The following WDFY3 variants were observed in gnomAD, a reference collection of about 807,000 sequenced individuals.
WDFY3 encodes WD repeat and FYVE domain containing 3, also known as WD repeat and FYVE domain-containing protein 3.
Under a neutral mutation model 409.6 loss-of-function variants are expected in WDFY3, and 66 were observed. That is an observed-to-expected ratio of 0.16 (90% CI 0.13 to 0.20). The LOEUF is 0.20. Among genes scored for constraint, WDFY3 ranks in the 10% least tolerant of loss-of-function variants. The pLI, the probability that WDFY3 is intolerant of heterozygous loss-of-function variation, is 1.00. For missense variants in WDFY3, 3,031 were observed against 4,298.1 expected (o/e 0.71, Z 8.24); for synonymous variants, 1,521 against 1,537.1 (o/e 0.99, Z 0.25).
intron 5 of WDFY3, 141 bp downstream of exon 5, chr4:84,849,761 T>C: frequency 8.3e-7 from 1 of 1,200,844 alleles, no homozygotes; most frequent in Non-Finnish European, 1.1e-6. Flanking sequence ...AGAATGTGAC[T>C]CTAAGAAAGG....
rs974265092 is a variant in WDFY3, at chr4:84,767,112, A to AT, written c.4850-741dup. Among the ~76,000 whole-genome samples, 68 of 144,768 alleles carry AT rather than the reference A, an allele frequency of 4.7e-4. No individual in the cohort carries two copies. The Middle Eastern group carries it at 0.011, about 23-fold the overall frequency. The allele number at this position is 144,768 out of a possible 152,430, so 95.0% of individuals were successfully genotyped here. On this transcript the variant is annotated intron_variant, in intron 30 of 67. Coordinates refer to ENST00000295888, the MANE Select transcript of WDFY3 (RefSeq NM_014991.6). The stretch of plus-strand genomic sequence containing the variant: ...CACATACAGCAAGTCCAATCAGGCC[A>AT]TTTTTTTTTTTCAAAAGCATGTGCT...
At chr4:84,937,235 TCTTGA>T (rs1319985484) in intron 1 of WDFY3, among the ~76,000 whole-genome samples, 6 of 152,134 alleles carry the variant, frequency 3.9e-5, no homozygotes, top group Non-Finnish European at 7.4e-5. Context: ...TTCTCATCTT[TCTTGA>T]CTTATCTGCA....
chr4:84,803,168 C>A lies in WDFY3; in HGVS notation c.2607+122G>T, dbSNP rs1046894857. 10 of 1,102,074 alleles carry A rather than the reference C, an allele frequency of 9.1e-6. No homozygotes were observed. The African/African-American group carries it at 1.4e-4, about 16-fold the overall frequency. The allele number at this position is 1,102,074 out of a possible 1,614,324, so 68.3% of individuals were successfully genotyped here. A position where few individuals can be genotyped will look rare whatever the true frequency, so the allele number is the denominator to read the frequency against. On this transcript the variant is annotated intron_variant, in intron 16 of 67. Transcript: ENST00000295888. ...AAATAAAAAAATCCTTTTTTTTCCC[C>A]TTCAGCTACTTTAGTATGTAATATT...
chr4:84,691,882 G>T, intron 59 of WDFY3, 97 bp from the exon 60 acceptor site: 1 of 1,187,746 alleles, frequency 8.4e-7, no homozygotes. Flanking sequence ...TATAAATCAA[G>T]CATCCTGATA....
At chr4:84,698,204 A>T (rs34932107) in intron 56 of WDFY3, among the ~76,000 whole-genome samples, 1 of 151,940 alleles carries the variant, frequency 6.6e-6, no homozygotes, top group African/African-American at 2.4e-5. Context: ...TTTTATGAAC[A>T]CTATATGCAA....
intron 31 of WDFY3, 59 bp from the exon 32 acceptor site, chr4:84,766,086 T>C: frequency 6.4e-7 from 1 of 1,563,796 alleles, no homozygotes; most frequent in East Asian, 2.3e-5. Context: ...GAAATTAGGA[T>C]TTCAAATCAA....
At chr4:84,965,622 A>T (rs1775547817) in intron 1 of WDFY3, 1 of 152,238 alleles carries the variant, frequency 6.6e-6, no homozygotes, top group African/African-American at 2.4e-5. Flanking sequence ...CCCCAGTACA[A>T]GAGAACTGGA....
Position 84,958,082 on chromosome 4 carries a change from C to T in WDFY3, c.-226+8127G>A, listed in dbSNP as rs183460834. ...ATCTCTAAGTATTTGGCATTTCTTG[C>T]GCATAAGATTAGTGGAAAGATAAGG... is the stretch of plus-strand genomic sequence containing the variant. On this transcript the variant is annotated intron_variant, in intron 1 of 67. Transcript: ENST00000295888. Among the ~76,000 whole-genome samples, 40 of 152,162 alleles carry T rather than the reference C, an allele frequency of 2.6e-4. No individual in the cohort carries two copies. The East Asian group carries it at 6.9e-3, about 26-fold the overall frequency.
intron 7 of WDFY3, 24 bp from the exon 8 acceptor site, chr4:84,831,629 C>T: frequency 2.5e-6 from 4 of 1,580,146 alleles, no homozygotes; most frequent in Non-Finnish European, 3.5e-6. Context: ...CAAAACAAAA[C>T]AAGAGTGTAT....
chr4:84,795,959 T>C (rs1167266493), intron 19 of WDFY3, among the ~76,000 whole-genome samples: 2 of 152,076 alleles, frequency 1.3e-5, no homozygotes, highest in Admixed American at 1.3e-4. Flanking sequence ...TCATTGAATA[T>C]TTATAATGTA....
At chr4:84,940,294 T>C (rs1050125979) in intron 1 of WDFY3, among the ~76,000 whole-genome samples, 3 of 152,138 alleles carry the variant, frequency 2.0e-5, no homozygotes, top group East Asian at 1.9e-4. Context: ...TATAGCACCA[T>C]GTTATTAGTA....
intron 3 of WDFY3, among the ~76,000 whole-genome samples, chr4:84,867,702 T>A (rs962269107): frequency 1.1e-4 from 17 of 152,220 alleles, no homozygotes; most frequent in Admixed American, 3.9e-4. Context: ...GCTAAATTTT[T>A]AAAATATATT....
At position 84,765,967 on chromosome 4, in the gene WDFY3, T is replaced by G; in HGVS notation, c.5031A>C (p.Glu1677Asp). The change falls in exon 32 of 68, where the codon GAA becomes GAC. Residue 1677 changes from glutamate to aspartate, a missense_variant. Glu to Asp is a conservative substitution (Grantham distance 45, BLOSUM62 2). Around this residue, in one of 16 missense-constraint regions of WDFY3, gnomAD observed 342 missense variants for 463.7 expected, o/e 0.74. Transcript: ENST00000295888. ...GFDWIMMFME[E>D]HLHSTTVTAA... ...CTGTAACTGTGGTGGAATGTAAGTGTTCCTCCATAAACATCATGATCCAGT... is the reference window on the plus strand; with the variant it reads ...CTGTAACTGTGGTGGAATGTAAGTGGTCCTCCATAAACATCATGATCCAGT... The G allele has an allele frequency of 6.2e-7, 1 of 1,614,040 alleles. No homozygotes were observed. The highest frequency in any genetic ancestry group is 8.5e-7 in the Non-Finnish European group (1 of 1,179,972).
intron 3 of WDFY3, among the ~76,000 whole-genome samples, chr4:84,893,245 C>A (rs1765175329): frequency 6.6e-6 from 1 of 152,208 alleles, no homozygotes; most frequent in Admixed American, 6.5e-5. Context: ...ACATCTGTGT[C>A]TTTCCCTGCA....
At chr4:84,941,356 A>G (rs1412792345) in intron 1 of WDFY3, among the ~76,000 whole-genome samples, 2 of 152,072 alleles carry the variant, frequency 1.3e-5, no homozygotes, top group Non-Finnish European at 2.9e-5. Flanking sequence ...AGTTATAGAT[A>G]AAGAGATAGA....
chr4:84,900,233 A>G (rs554880975), intron 2 of WDFY3, among the ~76,000 whole-genome samples: 9 of 150,212 alleles, frequency 6.0e-5, no homozygotes, highest in African/African-American at 2.2e-4. Context: ...AAGTAAAATA[A>G]TTTTTTTTTT....
At chr4:84,867,893 G>A (rs545505556) in intron 3 of WDFY3, among the ~76,000 whole-genome samples, 159 of 152,064 alleles carry the variant, frequency 1.0e-3, no homozygotes, top group African/African-American at 3.5e-3. Context: ...AATTCCTGCC[G>A]GGCGCAGTGG....
intron 2 of WDFY3, among the ~76,000 whole-genome samples, chr4:84,930,510 T>C (rs187060350): frequency 2.1e-4 from 32 of 152,308 alleles, no homozygotes; most frequent in Non-Finnish European, 2.2e-4. Flanking sequence ...ACAAAGCTAG[T>C]ACGTGGCGAT....
At chr4:84,792,292 T>A (rs1285760770) in intron 21 of WDFY3, among the ~76,000 whole-genome samples, 1 of 152,222 alleles carries the variant, frequency 6.6e-6, no homozygotes, top group South Asian at 2.1e-4. Flanking sequence ...CTGAATAAAC[T>A]AGGCAGAAAG....
Sources: allele counts gnomAD v4.1 joint callset (sites outside exome capture counted in the v4.1 genomes callset), GRCh38; gene constraint gnomAD v4.1.1; regional missense constraint gnomAD v4.1.1; transcripts MANE v1.5; gene names NCBI Gene and HGNC (gene_info 2026-07-23, HGNC 2026-07-21).